The following PHLPP1 variants were observed in gnomAD, a reference collection of about 807,000 sequenced individuals.
The protein encoded by PHLPP1 is PH domain leucine-rich repeat-containing protein phosphatase 1.
A neutral mutation model predicts 117.2 loss-of-function variants in PHLPP1; 42 were observed. The ratio of observed to expected loss-of-function variants is 0.36; its 90% confidence interval spans 0.28 to 0.46. PHLPP1 has a LOEUF of 0.46. PHLPP1 is among the 20% of genes least tolerant of loss of function. The pLI is 1.00. For synonymous variants in PHLPP1, 1,042 were observed against 970.7 expected (o/e 1.07, Z -1.37); for missense variants, 2,084 against 2,241.9 (o/e 0.93, Z 1.42).
chr18:62,807,455 T>C (rs1913983674), intron 1 of PHLPP1, among the ~76,000 whole-genome samples: 1 of 152,244 alleles, frequency 6.6e-6, no homozygotes, highest in Non-Finnish European at 1.5e-5. Flanking sequence ...GTATAATTCT[T>C]GTATTCACAT....
chr18:62,745,891 A>G (rs1210406771), intron 1 of PHLPP1, among the ~76,000 whole-genome samples: 1 of 152,180 alleles, frequency 6.6e-6, no homozygotes, highest in African/African-American at 2.4e-5. Context: ...AAATCCAAAT[A>G]CTGTACTAGT....
intron 3 of PHLPP1, among the ~76,000 whole-genome samples, chr18:62,853,663 C>A (rs1272078330): frequency 6.6e-6 from 1 of 152,216 alleles, no homozygotes; most frequent in African/African-American, 2.4e-5. Context: ...AGCCTCTGCC[C>A]CCAGCCTGTT....
Position 62,979,204 on chromosome 18 carries a change from G to C in PHLPP1, c.4927G>C (p.Ala1643Pro). The C allele has an allele frequency of 6.2e-7, 1 of 1,611,776 alleles. No homozygotes were observed. Among genetic ancestry groups the C allele is most frequent in the Non-Finnish European group, 8.5e-7 (1 of 1,178,816 alleles). ...CAATGTGATAGAGGTGGCTACAGAC[G>C]CACCTCTTCGAAAGCCTGGAGGCTA... is the stretch of plus-strand genomic sequence containing the variant. Reference protein sequence around the residue: ...SHNVIEVATDAPLRKPGGYFA... With the variant: ...SHNVIEVATDPPLRKPGGYFA... The change falls in exon 17 of 17, where the codon GCA (alanine) becomes CCA (proline). Residue 1643 changes from alanine to proline, a missense_variant. By Grantham distance (27) the Ala-to-Pro change is conservative. Transcript: ENST00000262719.
intron 4 of PHLPP1, among the ~76,000 whole-genome samples, chr18:62,874,691 ACTCT>A (rs201422136): frequency 0.035 from 4,452 of 127,452 alleles, 229 homozygotes; most frequent in African/African-American, 0.12. Flanking sequence ...ACACACACAC[ACTCT>A]CGCTCTCTGT....
At chr18:62,967,943 C>A (rs116765658) in intron 14 of PHLPP1, among the ~76,000 whole-genome samples, 1,624 of 151,996 alleles carry the variant, frequency 0.011, 31 homozygotes, top group African/African-American at 0.036. Context: ...TCCACCTCAG[C>A]CTCCCGAGTA....
At chr18:62,824,493 G>C (rs562454853) in intron 1 of PHLPP1, among the ~76,000 whole-genome samples, 7 of 152,286 alleles carry the variant, frequency 4.6e-5, no homozygotes, top group African/African-American at 1.4e-4. Context: ...AGGGATATAG[G>C]GGGAGGGAGA....
intron 9 of PHLPP1, among the ~76,000 whole-genome samples, chr18:62,917,722 G>A (rs1421778081): frequency 6.6e-6 from 1 of 151,920 alleles, no homozygotes; most frequent in Non-Finnish European, 1.5e-5. Context: ...CTTGAGGCAG[G>A]AGGATTGCTT....
chr18:62,894,905 A>T, intron 4 of PHLPP1, 106 bp from the exon 5 acceptor site: 1 of 926,996 alleles, frequency 1.1e-6, no homozygotes, highest in Non-Finnish European at 1.6e-6. Flanking sequence ...TTTCCTCTTT[A>T]GTTGAATTTG....
chr18:62,926,079 A>G (rs1431226541), intron 10 of PHLPP1, among the ~76,000 whole-genome samples: 3 of 152,322 alleles, frequency 2.0e-5, no homozygotes, highest in African/African-American at 7.2e-5. Flanking sequence ...GTGTTCCTCA[A>G]ATATTTTAAG....
chr18:62,813,127 T>C (rs1165439456), intron 1 of PHLPP1, among the ~76,000 whole-genome samples: 2 of 152,216 alleles, frequency 1.3e-5, no homozygotes, highest in Non-Finnish European at 2.9e-5. Context: ...TTGCCAGATA[T>C]GAAGTTAATA....
chr18:62,788,954 TAAAAC>T (rs888799549), intron 1 of PHLPP1, among the ~76,000 whole-genome samples: 1 of 152,100 alleles, frequency 6.6e-6, no homozygotes, highest in African/African-American at 2.4e-5. Context: ...AAAAAAATAA[TAAAAC>T]AGAAAACCCA....
intron 4 of PHLPP1, among the ~76,000 whole-genome samples, chr18:62,874,673 A>G (rs948672608): frequency 4.6e-5 from 7 of 151,334 alleles, no homozygotes; most frequent in African/African-American, 7.4e-5. Flanking sequence ...ACACACACAC[A>G]CACACACACA....
At chr18:62,805,126 G>A (rs1913905558) in intron 1 of PHLPP1, among the ~76,000 whole-genome samples, 2 of 140,800 alleles carry the variant, frequency 1.4e-5, no homozygotes, top group Non-Finnish European at 3.1e-5. Flanking sequence ...AATATGCACT[G>A]CATAGGTTAT....
chr18:62,857,043 G>A (rs752817683), intron 3 of PHLPP1, among the ~76,000 whole-genome samples: 18 of 152,028 alleles, frequency 1.2e-4, no homozygotes, highest in Non-Finnish European at 2.1e-4. Flanking sequence ...GTATATTAAG[G>A]GCTCACCTAG....
At chr18:62,885,612 A>G (rs912111115) in intron 4 of PHLPP1, among the ~76,000 whole-genome samples, 16 of 152,212 alleles carry the variant, frequency 1.1e-4, no homozygotes, top group Non-Finnish European at 1.6e-4. Flanking sequence ...GTGAGCTGAG[A>G]TAGCACCACT....
intron 1 of PHLPP1, among the ~76,000 whole-genome samples, chr18:62,728,305 A>AT (rs1401215164): frequency 1.6e-4 from 24 of 151,808 alleles, no homozygotes; most frequent in African/African-American, 5.8e-4. Context: ...AAAAAAAAAA[A>AT]ATATTTTTTT....
chr18:62,945,191 T>C lies in PHLPP1; in HGVS notation c.3244T>C (p.Cys1082Arg). 1.2e-6 allele frequency: 2 copies of C among 1,613,414 alleles called. No homozygotes were observed. Among genetic ancestry groups the C allele is most frequent in the Non-Finnish European group, 8.5e-7 (1 of 1,179,682 alleles). The part of the protein sequence containing the change: ...LKAIPTTIMN[C>R]RRMHTVIAHS... ...AGCCATCCCAACAACGATCATGAAT[T>C]GCAGGCGCATGCACACCGTGATTGC... Residue 1082 changes from cysteine to arginine, a missense_variant, in exon 12 of 17, where the codon TGC (cysteine) becomes CGC (arginine). This residue lies in a region of PHLPP1 where 1,365 missense variants were observed against 1,605.9 expected (regional missense o/e 0.85). Transcript: ENST00000262719.
At chr18:62,756,813 T>C (rs1912036879) in intron 1 of PHLPP1, among the ~76,000 whole-genome samples, 1 of 152,206 alleles carries the variant, frequency 6.6e-6, no homozygotes, top group Non-Finnish European at 1.5e-5. Context: ...AATCTCTTTG[T>C]TGGAGTTAGG....
intron 1 of PHLPP1, among the ~76,000 whole-genome samples, chr18:62,778,494 T>C (rs964115910): frequency 6.6e-6 from 1 of 152,212 alleles, no homozygotes; most frequent in Non-Finnish European, 1.5e-5. Context: ...TCATTATTTA[T>C]TCTTTTGGTA....
Sources: allele counts gnomAD v4.1 joint callset (sites outside exome capture counted in the v4.1 genomes callset), GRCh38; gene constraint gnomAD v4.1.1; regional missense constraint gnomAD v4.1.1; transcripts MANE v1.5; gene names NCBI Gene and HGNC (gene_info 2026-07-23, HGNC 2026-07-21).